Variants in MYOM1 observed in about 807,000 individuals in gnomAD.
The protein encoded by MYOM1 is myomesin 1.
MYOM1 carries 164 observed loss-of-function variants against 205.3 expected under a neutral mutation model. The ratio of observed to expected loss-of-function variants is 0.80; its 90% confidence interval spans 0.70 to 0.91. MYOM1 has a LOEUF of 0.91. Ranked by LOEUF, MYOM1 falls within the 40% of genes least tolerant of loss-of-function variation. The pLI, the probability that MYOM1 is intolerant of heterozygous loss-of-function variation, is 0.00. For missense variants in MYOM1, 2,011 were observed against 2,127.3 expected (o/e 0.95, Z 1.08); for synonymous variants, 772 against 789.4 (o/e 0.98, Z 0.37).
At chr18:3,072,555 T>C (rs1432660407) in intron 36 of MYOM1, among the ~76,000 whole-genome samples, 1 of 151,748 alleles carries the variant, frequency 6.6e-6, no homozygotes, top group African/African-American at 2.4e-5. Context: ...GATTTCACCA[T>C]GTTGGCCAGG....
chr18:3,158,407 C>T (rs950327758), intron 10 of MYOM1, among the ~76,000 whole-genome samples: 4 of 151,980 alleles, frequency 2.6e-5, no homozygotes, highest in African/African-American at 4.8e-5. Flanking sequence ...TTTTTTTCAC[C>T]TCTGTCCCCT....
chr18:3,199,303 G>C (rs939515570), intron 2 of MYOM1, among the ~76,000 whole-genome samples: 2 of 152,214 alleles, frequency 1.3e-5, no homozygotes, highest in Admixed American at 6.5e-5. Context: ...AGCTCAGCTA[G>C]CCTGAGGTTA....
chr18:3,187,774 C>T lies in MYOM1; in HGVS notation c.772-137G>A, dbSNP rs1400928889. The T allele has an allele frequency of 7.1e-6, 5 of 704,460 alleles. No homozygotes were observed. The African/African-American group carries it at 7.2e-5, about 10-fold the overall frequency. 43.6% of individuals were successfully genotyped at this position (704,460 alleles called of 1,614,324 possible). On this transcript the variant is annotated intron_variant, in intron 4 of 37. Transcript: ENST00000356443. ...AGCTTAATTTTTTGTAGAGAAAATG[C>T]ACTCCCTTCTCCCTTTTAAGAACAG...
rs546291393 is a variant in MYOM1 at position 3,134,979 on chromosome 18, C to T, written c.2210-155G>A. On this transcript the variant is annotated intron_variant, in intron 15 of 37. Coordinates refer to ENST00000356443, the MANE Select transcript of MYOM1 (RefSeq NM_003803.4). ...GATTTTTTTTTTTGAGACTGAGTCTCGCTCTGTCACCCAGGCTGGAGAGCA... is the reference window on the plus strand; with the variant it reads ...GATTTTTTTTTTTGAGACTGAGTCTTGCTCTGTCACCCAGGCTGGAGAGCA... 3.7e-4 allele frequency: 248 copies of T among 676,544 alleles called. 2 individuals are homozygous for T. The highest frequency in any genetic ancestry group is 1.8e-3 in the South Asian group (93 of 51,360). 41.9% of individuals were successfully genotyped at this position (676,544 alleles called of 1,614,324 possible).
chr18:3,127,259 G>A (rs2079800778), intron 18 of MYOM1, among the ~76,000 whole-genome samples: 1 of 131,650 alleles, frequency 7.6e-6, no homozygotes, highest in Admixed American at 7.9e-5. Context: ...AATTTCTGCT[G>A]CAATTTGCTT....
At chr18:3,159,793 T>C (rs1454620352) in intron 10 of MYOM1, among the ~76,000 whole-genome samples, 1 of 152,158 alleles carries the variant, frequency 6.6e-6, no homozygotes, top group Non-Finnish European at 1.5e-5. Context: ...AGTGAATTAG[T>C]AGTTGCGGGA....
intron 22 of MYOM1, among the ~76,000 whole-genome samples, chr18:3,110,859 T>C (rs2079516306): frequency 6.6e-6 from 1 of 151,564 alleles, no homozygotes; most frequent in African/African-American, 2.4e-5. Context: ...AGTCCTCGTA[T>C]GATTCTAATG....
At chr18:3,241,328 G>C in the MYOM1 span, among the ~76,000 whole-genome samples, 1 of 152,284 alleles carries the variant, frequency 6.6e-6, no homozygotes, top group South Asian at 2.1e-4. Flanking sequence ...TATGCTGCAG[G>C]CAGCCTAGGG....
intron 13 of MYOM1, 44 bp downstream of exon 13, chr18:3,149,101 A>T (rs767501373): frequency 6.4e-7 from 1 of 1,574,602 alleles, no homozygotes; most frequent in East Asian, 2.2e-5. Flanking sequence ...CAAACTGCTT[A>T]GCAAAACATC....
intron 11 of MYOM1, among the ~76,000 whole-genome samples, chr18:3,153,368 C>T (rs763200244): frequency 4.6e-4 from 70 of 152,118 alleles, no homozygotes; most frequent in African/African-American, 1.7e-4. Context: ...ATAATAGCAA[C>T]GACCTTAAAG....
At chr18:3,081,609 T>C (rs576629022) in intron 33 of MYOM1, among the ~76,000 whole-genome samples, 2 of 152,338 alleles carry the variant, frequency 1.3e-5, no homozygotes, top group South Asian at 4.1e-4. Context: ...TGATTGATGA[T>C]TCAATGAATT....
rs1192390090 is a variant in MYOM1 at position 3,135,357 on chromosome 18, C to T, written c.2209+190G>A. 5.8e-6 allele frequency: 3 copies of T among 515,960 alleles called. No homozygotes were observed. Among genetic ancestry groups the T allele is most frequent in the African/African-American group, 3.8e-5 (2 of 52,060 alleles). The allele number at this position is 515,960 out of a possible 1,614,324, so 32.0% of individuals were successfully genotyped here. ...CACATTATCAATATTGTTGAAACTCCCAAAGAAGTTTACTTTTCATAAACA... is the reference window on the plus strand; with the variant it reads ...CACATTATCAATATTGTTGAAACTCTCAAAGAAGTTTACTTTTCATAAACA... On this transcript the variant is annotated intron_variant, in intron 15 of 37. Transcript: ENST00000356443. This position sits in a 1 kb window ranked among gnomAD's most constrained non-coding sequence, Gnocchi z 4.1.
Position 3,071,814 on chromosome 18 carries a change from C to G in MYOM1, c.4764+20G>C, listed in dbSNP as rs1426281275. 3.1e-6 allele frequency: 5 copies of G among 1,589,258 alleles called. No homozygotes were observed. Among genetic ancestry groups the G allele is most frequent in the Non-Finnish European group, 4.3e-6 (5 of 1,167,556 alleles). On this transcript the variant is annotated intron_variant, in intron 37 of 37. Transcript: ENST00000356443. Reference sequence around the variant, plus strand: ...GTTCATAGTGCAGAAGGAGCAGGCACAGGCAGGCTTCATGCTTACCTTCCC... The same window carrying G: ...GTTCATAGTGCAGAAGGAGCAGGCAGAGGCAGGCTTCATGCTTACCTTCCC...
intron 36 of MYOM1, among the ~76,000 whole-genome samples, chr18:3,072,371 T>TTTTTTTTTTTA (rs2078969735): frequency 7.6e-6 from 1 of 132,414 alleles, no homozygotes. Context: ...TTTTTTTTTT[T>TTTTTTTTTTTA]GAGGCAGAGT....
At chr18:3,171,502 A>C (rs1459745872) in intron 8 of MYOM1, among the ~76,000 whole-genome samples, 1 of 152,198 alleles carries the variant, frequency 6.6e-6, no homozygotes, top group Non-Finnish European at 1.5e-5. Context: ...TTTGGGGTTC[A>C]GTAGGAGGCA....
At chr18:3,141,863 CT>C in intron 14 of MYOM1, 75 bp downstream of exon 14, 1 of 1,582,998 alleles carries the variant, frequency 6.3e-7, no homozygotes, top group South Asian at 1.1e-5. Flanking sequence ...TCCATTGTCC[CT>C]GGGAATTTAG....
chr18:3,122,177 T>C (rs1057178912), intron 19 of MYOM1, among the ~76,000 whole-genome samples: 6 of 128,596 alleles, frequency 4.7e-5, no homozygotes, highest in Non-Finnish European at 8.2e-5. Context: ...AAATAAGATA[T>C]TAGTTTTTTT....
At chr18:3,178,858 G>A (rs2080687768) in intron 5 of MYOM1, among the ~76,000 whole-genome samples, 1 of 151,790 alleles carries the variant, frequency 6.6e-6, no homozygotes, top group Admixed American at 6.6e-5. Flanking sequence ...TTGGGATTGT[G>A]TCTGATCCAC....
At chr18:3,175,924 G>A in intron 6 of MYOM1, 118 bp downstream of exon 6, 1 of 654,784 alleles carries the variant, frequency 1.5e-6, no homozygotes, top group Middle Eastern at 3.1e-4. Context: ...GTATACGAAT[G>A]TCCCTCAGTG....
Sources: gnomAD v4.1 joint callset for allele counts (sites outside exome capture counted in the v4.1 genomes callset) on GRCh38, gnomAD v4.1.1 for gene constraint, Gnocchi (gnomAD v3.1) non-coding constraint, MANE v1.5 for transcripts, NCBI Gene and HGNC (gene_info 2026-07-23, HGNC 2026-07-21) for gene names.